MCTP1: variants seen among roughly 807,000 people sequenced by gnomAD.
The protein encoded by MCTP1 is multiple C2 and transmembrane domain-containing protein 1.
Under a neutral mutation model 120.6 loss-of-function variants are expected in MCTP1, and 69 were observed. The ratio of observed to expected loss-of-function variants is 0.57; its 90% CI spans 0.47 to 0.70. The LOEUF (loss-of-function observed/expected upper bound fraction) is 0.70, where lower values mean the gene tolerates loss of function less well. Ranked by LOEUF, MCTP1 falls within the 30% of genes least tolerant of loss-of-function variation. The pLI, the probability that MCTP1 is intolerant of heterozygous loss-of-function variation, is 0.00. For missense variants in MCTP1, 1,203 were observed against 1,248.8 expected (o/e 0.96, Z 0.55); for synonymous variants, 529 against 493.1 (o/e 1.07, Z -0.96).
At chr5:95,167,866 A>G (rs1451933584) in intron 1 of MCTP1, among the ~76,000 whole-genome samples, 1 of 152,156 alleles carries the variant, frequency 6.6e-6, no homozygotes, top group African/African-American at 2.4e-5. Context: ...CTCTGATGGT[A>G]GTTTCTTTTG....
chr5:94,963,354 ATT>A (rs754461255), intron 2 of MCTP1, among the ~76,000 whole-genome samples: 29 of 136,810 alleles, frequency 2.1e-4, no homozygotes, highest in African/African-American at 4.1e-4. Flanking sequence ...TTGTAATTCT[ATT>A]TTTTTTTTTT....
At chr5:94,968,986 A>G (rs924529501) in intron 2 of MCTP1, among the ~76,000 whole-genome samples, 6 of 152,210 alleles carry the variant, frequency 3.9e-5, no homozygotes, top group Non-Finnish European at 5.9e-5. Context: ...TCATTTTGTC[A>G]GGTAGCCTTA....
intron 17 of MCTP1, among the ~76,000 whole-genome samples, chr5:94,813,756 C>T (rs1264859455): frequency 6.6e-6 from 1 of 151,834 alleles, no homozygotes; most frequent in East Asian, 1.9e-4. Flanking sequence ...GGAGGGGTGG[C>T]GCACACCTGT....
chr5:95,268,812 C>T lies in MCTP1; in HGVS notation c.720+15044G>A, dbSNP rs144927055. Among the ~76,000 whole-genome samples, 275 of 152,268 alleles carry T rather than the reference C, an allele frequency of 1.8e-3. 2 individuals are homozygous for T. Among genetic ancestry groups the T allele is most frequent in the African/African-American group, 6.2e-3 (258 of 41,544 alleles). On this transcript the variant is annotated intron_variant, in intron 1 of 22. Coordinates refer to ENST00000515393, the MANE Select transcript of MCTP1 (RefSeq NM_024717.7). ...CACCAGCTTATTGGGGCCAAAGCTGCGGACTCAGACAGCAGAGCCCCTTAG... is the reference window on the plus strand; with the variant it reads ...CACCAGCTTATTGGGGCCAAAGCTGTGGACTCAGACAGCAGAGCCCCTTAG...
intron 1 of MCTP1, among the ~76,000 whole-genome samples, chr5:95,043,287 A>T (rs1386821400): frequency 6.6e-6 from 1 of 152,180 alleles, no homozygotes; most frequent in Non-Finnish European, 1.5e-5. Flanking sequence ...TCTGGTATTA[A>T]CACTTCTCAA....
chr5:94,948,942 A>G (rs567544514), intron 3 of MCTP1, among the ~76,000 whole-genome samples: 1 of 152,300 alleles, frequency 6.6e-6, no homozygotes, highest in Non-Finnish European at 1.5e-5. Context: ...AACAGAGCTT[A>G]AAGTAACATT....
At chr5:94,791,362 G>A (rs917598853) in intron 18 of MCTP1, among the ~76,000 whole-genome samples, 2 of 151,784 alleles carry the variant, frequency 1.3e-5, no homozygotes, top group African/African-American at 2.4e-5. Flanking sequence ...TGGTGCAGTG[G>A]CTCGCACCTG....
At chr5:95,188,719 C>T (rs1749506738) in intron 1 of MCTP1, among the ~76,000 whole-genome samples, 1 of 152,030 alleles carries the variant, frequency 6.6e-6, no homozygotes, top group Admixed American at 6.6e-5. Context: ...AAGGGCAATG[C>T]GGGAGATCTT....
chr5:95,038,631 G>C (rs373541029), intron 1 of MCTP1, among the ~76,000 whole-genome samples: 7 of 152,196 alleles, frequency 4.6e-5, no homozygotes, highest in African/African-American at 1.4e-4. Context: ...AGTGATAAAT[G>C]AGCCTAACTC....
At chr5:95,022,490 T>A (rs549032833) in intron 1 of MCTP1, among the ~76,000 whole-genome samples, 1 of 152,310 alleles carries the variant, frequency 6.6e-6, no homozygotes, top group African/African-American at 2.4e-5. Context: ...ATGTCATATT[T>A]GTCATTTTAA....
intron 1 of MCTP1, among the ~76,000 whole-genome samples, chr5:95,264,594 A>G (rs778194330): frequency 3.3e-5 from 5 of 152,148 alleles, no homozygotes; most frequent in Non-Finnish European, 5.9e-5. Context: ...ATTTGCCTTT[A>G]AAGACCCACC....
intron 1 of MCTP1, among the ~76,000 whole-genome samples, chr5:95,183,774 C>A (rs1362522946): frequency 6.6e-6 from 1 of 152,086 alleles, no homozygotes; most frequent in Non-Finnish European, 1.5e-5. Context: ...ATAAAAATCA[C>A]AATTAGATAC....
chr5:95,122,412 T>C (rs1483802345), intron 1 of MCTP1, among the ~76,000 whole-genome samples: 1 of 152,178 alleles, frequency 6.6e-6, no homozygotes, highest in African/African-American at 2.4e-5. Context: ...TCAACATCAT[T>C]GATCATCAGA....
intron 17 of MCTP1, among the ~76,000 whole-genome samples, chr5:94,865,268 A>G (rs1796585985): frequency 6.7e-6 from 1 of 150,008 alleles, no homozygotes; most frequent in East Asian, 2.0e-4. Context: ...AGGGATTAAG[A>G]AAAAAAAAAG....
intron 6 of MCTP1, among the ~76,000 whole-genome samples, chr5:94,924,817 T>C (rs924565741): frequency 2.0e-4 from 30 of 152,220 alleles, no homozygotes; most frequent in African/African-American, 6.5e-4. Flanking sequence ...GCATCAATAG[T>C]TGACACTGTG....
At chr5:95,164,214 TTA>T (rs1746066610) in intron 1 of MCTP1, among the ~76,000 whole-genome samples, 1 of 152,192 alleles carries the variant, frequency 6.6e-6, no homozygotes, top group African/African-American at 2.4e-5. Flanking sequence ...AGTGGGAGCA[TTA>T]TTTGCCTTAG....
At chr5:94,714,964 T>C (rs1314475093) in intron 19 of MCTP1, 78 bp from the exon 20 acceptor site, 1 of 849,950 alleles carries the variant, frequency 1.2e-6, no homozygotes, top group Non-Finnish European at 1.9e-6. Flanking sequence ...TGTCCCTCTG[T>C]TACATTTTTA....
intron 17 of MCTP1, among the ~76,000 whole-genome samples, chr5:94,799,686 GCATTACCATAGAAAT>G: frequency 6.6e-6 from 1 of 152,180 alleles, no homozygotes; most frequent in Middle Eastern, 3.4e-3. Flanking sequence ...TTAATATTCA[GCATTACCATAGAAAT>G]CAAAGAGCTA....
At chr5:95,151,122 G>T (rs552057060) in intron 1 of MCTP1, among the ~76,000 whole-genome samples, 2 of 101,512 alleles carry the variant, frequency 2.0e-5, no homozygotes, top group Non-Finnish European at 4.1e-5. Context: ...GCACCACCAC[G>T]CCTGGCTCAT....
Sources: allele counts gnomAD v4.1 joint callset (sites outside exome capture counted in the v4.1 genomes callset), GRCh38; gene constraint gnomAD v4.1.1; transcripts MANE v1.5; gene names NCBI Gene and HGNC (gene_info 2026-07-23, HGNC 2026-07-21).